TPTE: variants seen among roughly 807,000 people sequenced by gnomAD.
TPTE encodes the protein transmembrane phosphatase with tensin homology.
Under a neutral mutation model 84.1 loss-of-function variants are expected in TPTE, and 59 were observed. That is an observed-to-expected ratio of 0.70 (90% CI 0.57 to 0.87). The LOEUF (loss-of-function observed/expected upper bound fraction) is 0.87, where lower values mean the gene tolerates loss of function less well. Ranked by LOEUF, TPTE falls within the 40% of genes least tolerant of loss-of-function variation. The pLI is 0.00. For missense variants in TPTE, 382 were observed against 659.6 expected, an observed-to-expected ratio of 0.58 and a Z score of 4.61; for synonymous variants, 130 against 223.5, an observed-to-expected ratio of 0.58 and a Z score of 3.73.
intron 7 of TPTE, 117 bp downstream of exon 7, chr21:10,543,499 A>G: frequency 6.4e-7 from 1 of 1,572,580 alleles, no homozygotes; most frequent in Middle Eastern, 1.7e-4. Flanking sequence ...TTTTGTCAAC[A>G]CATTTACACA....
intron 2 of TPTE, among the ~76,000 whole-genome samples, chr21:10,527,133 CCTCTCTCT>C (rs59412977): frequency 7.4e-5 from 11 of 148,600 alleles, no homozygotes; most frequent in South Asian, 2.1e-4. Context: ...TTCTGTGTCC[CCTCTCTCT>C]CTCTCTCTCT....
chr21:10,602,901 G>C, intron 22 of TPTE: 1 of 499,622 alleles, frequency 2.0e-6, no homozygotes, highest in South Asian at 1.4e-5. Context: ...GGTTTCCTGC[G>C]GGGAGGTCTA....
chr21:10,561,602 C>T (rs371502038), intron 10 of TPTE, among the ~76,000 whole-genome samples: 2,849 of 151,114 alleles, frequency 0.019, no homozygotes, highest in African/African-American at 0.056. Context: ...TGGCAGTACC[C>T]CCCCCATGTC....
At chr21:10,562,715 T>C (rs868477527) in intron 10 of TPTE, among the ~76,000 whole-genome samples, 1,073 of 151,722 alleles carry the variant, frequency 7.1e-3, no homozygotes, top group African/African-American at 0.025. Flanking sequence ...TCAAAATACA[T>C]AGAGGAGACA....
chr21:10,532,688 A>G (rs1167457586), intron 3 of TPTE, among the ~76,000 whole-genome samples: 2 of 152,304 alleles, frequency 1.3e-5, no homozygotes, highest in Admixed American at 6.5e-5. Context: ...TTGTCATGTT[A>G]TTATCAATCA....
chr21:10,577,287 A>T (rs1183648271), intron 14 of TPTE, among the ~76,000 whole-genome samples, 173 bp from the exon 15 acceptor site: 6 of 152,078 alleles, frequency 3.9e-5, no homozygotes, highest in Non-Finnish European at 8.8e-5. Context: ...TATTTGAAAA[A>T]TCACAGTGGA....
intron 3 of TPTE, among the ~76,000 whole-genome samples, chr21:10,535,334 C>A (rs1414860826): frequency 6.6e-6 from 1 of 152,304 alleles, no homozygotes; most frequent in Non-Finnish European, 1.5e-5. Context: ...ACATAACATA[C>A]ACGCATGCAT....
chr21:10,582,122 AC>A (rs1392462097), intron 17 of TPTE, among the ~76,000 whole-genome samples: 1 of 152,310 alleles, frequency 6.6e-6, no homozygotes, highest in African/African-American at 2.4e-5. Flanking sequence ...TATGAAATTC[AC>A]CCCCCTATAC....
chr21:10,524,132 C>T (rs370896351), intron 1 of TPTE, among the ~76,000 whole-genome samples: 1,863 of 151,606 alleles, frequency 0.012, no homozygotes, highest in South Asian at 0.066. Context: ...CTGACTTATT[C>T]TCAATAGGAG....
chr21:10,558,384 T>C (rs1443147407), intron 8 of TPTE, among the ~76,000 whole-genome samples: 5 of 152,304 alleles, frequency 3.3e-5, no homozygotes, highest in African/African-American at 1.2e-4. Flanking sequence ...GTATATGTGT[T>C]CCCTTTTCTC....
At chr21:10,532,609 G>C (rs1293134669) in intron 3 of TPTE, among the ~76,000 whole-genome samples, 1 of 152,302 alleles carries the variant, frequency 6.6e-6, no homozygotes, top group Non-Finnish European at 1.5e-5. Context: ...TAACCATCTT[G>C]ACTTCTTATT....
chr21:10,530,768 C>T, intron 3 of TPTE, among the ~76,000 whole-genome samples: 1 of 152,308 alleles, frequency 6.6e-6, no homozygotes, highest in Non-Finnish European at 1.5e-5. Flanking sequence ...CAGTCTGCAT[C>T]TCCTGAATAA....
intron 23 of TPTE, among the ~76,000 whole-genome samples, chr21:10,603,933 G>A (rs111646883): frequency 3.6e-3 from 542 of 150,730 alleles, no homozygotes; most frequent in African/African-American, 0.013. Context: ...AGTTCAATAT[G>A]AGGCTGCTCA....
chr21:10,546,482 C>A (rs2074470092), intron 7 of TPTE, among the ~76,000 whole-genome samples: 1 of 152,306 alleles, frequency 6.6e-6, no homozygotes, highest in African/African-American at 2.4e-5. Flanking sequence ...TCACTTTAAA[C>A]CAAAAGCTAG....
chr21:10,564,393 T>G (rs1398410005), intron 10 of TPTE, among the ~76,000 whole-genome samples: 6 of 151,842 alleles, frequency 4.0e-5, no homozygotes, highest in African/African-American at 1.5e-4. Flanking sequence ...ACCTGTAATT[T>G]CAGCTACTCA....
chr21:10,564,004 AT>A (rs1318157289), intron 10 of TPTE, among the ~76,000 whole-genome samples: 4 of 152,308 alleles, frequency 2.6e-5, no homozygotes, highest in Non-Finnish European at 5.9e-5. Context: ...AAATGCAAAA[AT>A]TAGCAGGGTG....
At chr21:10,542,501 TAC>T in intron 6 of TPTE, 53 bp downstream of exon 6, 2 of 1,599,332 alleles carry the variant, frequency 1.3e-6, no homozygotes, top group Non-Finnish European at 1.7e-6. Flanking sequence ...CATAGAACTA[TAC>T]ACACACAGGC....
intron 1 of TPTE, among the ~76,000 whole-genome samples, chr21:10,524,073 C>T (rs1313548686): frequency 1.3e-5 from 2 of 152,306 alleles, no homozygotes; most frequent in Admixed American, 6.5e-5. Context: ...CACAAGAGCG[C>T]TAGGATTCTG....
chr21:10,540,952 A>G (rs1418583210), intron 4 of TPTE, among the ~76,000 whole-genome samples, 160 bp from the exon 5 acceptor site: 4 of 152,308 alleles, frequency 2.6e-5, no homozygotes, highest in African/African-American at 9.6e-5. Flanking sequence ...CCTCATTTCT[A>G]ATAAAAAGAC....
Sources: allele counts gnomAD v4.1 joint callset (sites outside exome capture counted in the v4.1 genomes callset), GRCh38; gene constraint gnomAD v4.1.1; transcripts MANE v1.5; gene names NCBI Gene and HGNC (gene_info 2026-07-23, HGNC 2026-07-21).